The following NFRKB variants were observed in gnomAD, a reference collection of about 807,000 sequenced individuals.
NFRKB encodes nuclear factor related to kappaB binding protein.
Under a neutral mutation model 135.7 loss-of-function variants are expected in NFRKB, and 62 were observed. The ratio of observed to expected loss-of-function variants is 0.46; its 90% CI spans 0.37 to 0.56. The LOEUF (loss-of-function observed/expected upper bound fraction) is 0.56, where lower values mean the gene tolerates loss of function less well. Ranked by LOEUF, NFRKB falls within the 20% of genes least tolerant of loss-of-function variation. The pLI is 0.00. For synonymous variants in NFRKB, 678 were observed against 635.6 expected (o/e 1.07, Z -1.00); for missense variants, 1,545 against 1,662.0 (o/e 0.93, Z 1.22).
intron 23 of NFRKB, among the ~76,000 whole-genome samples, chr11:129,872,263 T>G (rs1284737122): frequency 6.6e-6 from 1 of 152,176 alleles, no homozygotes; most frequent in Non-Finnish European, 1.5e-5. Context: ...GTCTGTTTAA[T>G]GTACCATTAA....
chr11:129,868,709 G>A (rs1565388719), intron 24 of NFRKB, among the ~76,000 whole-genome samples: 1 of 152,104 alleles, frequency 6.6e-6, no homozygotes, highest in Non-Finnish European at 1.5e-5. Flanking sequence ...GTATGGCCTA[G>A]AACGACCATC....
chr11:129,869,416 T>C, intron 24 of NFRKB, 78 bp downstream of exon 24: 1 of 1,465,824 alleles, frequency 6.8e-7, no homozygotes, highest in Admixed American at 2.3e-5. Flanking sequence ...TTTTAGGGAG[T>C]TTCTCGGGTA....
intron 16 of NFRKB, 91 bp downstream of exon 16, chr11:129,877,234 G>A (rs1195410479): frequency 6.9e-6 from 9 of 1,303,098 alleles, no homozygotes; most frequent in Non-Finnish European, 7.8e-6. Context: ...TGAGTTTCTT[G>A]CAAGAAGGTA....
intron 3 of NFRKB, among the ~76,000 whole-genome samples, chr11:129,889,076 C>T (rs1949415016): frequency 6.6e-6 from 1 of 152,002 alleles, no homozygotes; most frequent in Non-Finnish European, 1.5e-5. Context: ...ATTCTCCTAC[C>T]TCAGCCTCCC....
intron 13 of NFRKB, 45 bp downstream of exon 13, chr11:129,881,398 T>C (rs761334839): frequency 2.5e-6 from 4 of 1,587,856 alleles, no homozygotes; most frequent in Non-Finnish European, 3.5e-6. Flanking sequence ...GGGGAAGAAA[T>C]GGGAGAACGA....
rs2229650 is a variant in NFRKB, at chr11:129,876,812, G to A, written c.1656C>T (p.Gly552=). 1.4e-3 allele frequency: 2,268 copies of A among 1,613,816 alleles called. 1 individual carries two copies. The highest frequency in any genetic ancestry group is 1.8e-3 in the Non-Finnish European group (2,079 of 1,179,990). The change falls in exon 17 of 27, where the codon GGC becomes GGT. Residue 552 remains glycine, a synonymous_variant. Coordinates refer to ENST00000682444, the MANE Select transcript of NFRKB (RefSeq NM_001143835.2). ...GFESVVGPVK[G]VFDKETSLNK... is the part of the protein sequence containing the mutation. ...TGAGCGAGGTCTCCTTGTCAAACAC[G>A]CCCTTCACTGGCCCCACCACAGACT... is the stretch of plus-strand genomic sequence containing the variant.
rs1178130579 is a variant in NFRKB at position 129,877,307 on chromosome 11, T to G, written c.1572+18A>C. 2 of 1,613,650 alleles carry G rather than the reference T, an allele frequency of 1.2e-6. No individual in the cohort carries two copies. Among genetic ancestry groups the G allele is most frequent in the Non-Finnish European group, 1.7e-6 (2 of 1,179,636 alleles). On this transcript the variant is annotated intron_variant, in intron 16 of 26. Coordinates refer to ENST00000682444, the MANE Select transcript of NFRKB (RefSeq NM_001143835.2). ...GGCTCACAGAGGCAGAGACTTACACTGGCTTTTAGGTTCTTACCTGCTCCT... is the reference window on the plus strand; with the variant it reads ...GGCTCACAGAGGCAGAGACTTACACGGGCTTTTAGGTTCTTACCTGCTCCT...
At chr11:129,878,987 T>C (rs1398196882) in intron 13 of NFRKB, among the ~76,000 whole-genome samples, 1 of 152,128 alleles carries the variant, frequency 6.6e-6, no homozygotes, top group African/African-American at 2.4e-5. Context: ...ACAGAGAAAA[T>C]TCTATTCACT....
At chr11:129,883,811 T>C (rs1394715329) in intron 8 of NFRKB, among the ~76,000 whole-genome samples, 1 of 152,230 alleles carries the variant, frequency 6.6e-6, no homozygotes, top group African/African-American at 2.4e-5. Flanking sequence ...TCTTGAGCAC[T>C]GCTGAGGTGG....
intron 2 of NFRKB, 34 bp from the exon 3 acceptor site, chr11:129,892,904 C>T (rs767160755): frequency 1.2e-6 from 2 of 1,613,434 alleles, no homozygotes; most frequent in East Asian, 4.5e-5. Context: ...GACAGAAAGG[C>T]AGAAATTCCA....
intron 5 of NFRKB, 31 bp downstream of exon 5, chr11:129,886,286 C>A (rs1465923951): frequency 6.3e-7 from 1 of 1,590,772 alleles, no homozygotes; most frequent in Non-Finnish European, 8.6e-7. Context: ...TGACTGCCCA[C>A]ATTTTATATC....
chr11:129,885,375 G>T, intron 6 of NFRKB, 60 bp downstream of exon 6: 1 of 1,535,790 alleles, frequency 6.5e-7, no homozygotes, highest in Non-Finnish European at 8.8e-7. Context: ...GGCTCCAACC[G>T]GACAAGTGGC....
Position 129,864,386 on chromosome 11 carries a change from C to T in NFRKB, c.*339G>A, listed in dbSNP as rs138565947. 5.3e-5 allele frequency: 13 copies of T among 243,690 alleles called. No homozygotes were observed. The highest frequency in any genetic ancestry group is 1.5e-3 in the Middle Eastern group (1 of 670). 15.1% of individuals were successfully genotyped at this position (243,690 alleles called of 1,614,324 possible). ...AATCCTCATGGAGAACCAGCCTATT[C>T]GCTGTGTGCACTCTGCAACTGGTAA... On this transcript the variant is annotated 3_prime_UTR_variant, in exon 27 of 27. Transcript: ENST00000682444.
chr11:129,873,195 C>A, intron 22 of NFRKB, 99 bp from the exon 23 acceptor site: 1 of 1,041,846 alleles, frequency 9.6e-7, no homozygotes. Context: ...GCATTGCTCT[C>A]AAAGAGCTTC....
Position 129,877,198 on chromosome 11 carries a change from C to T in NFRKB, c.1572+127G>A. On this transcript the variant is annotated intron_variant, in intron 16 of 26. Coordinates refer to ENST00000682444, the MANE Select transcript of NFRKB (RefSeq NM_001143835.2). ...TCCACCCCCAACAAGTAATCCCAGC[C>T]AACAGAAGGTCTAAGGGGAAAGGTA... is the stretch of plus-strand genomic sequence containing the variant. The T allele has an allele frequency of 5.2e-6, 5 of 959,554 alleles. No individual in the cohort carries two copies. In the South Asian group the frequency reaches 5.8e-5, roughly 11 times the overall value. 59.4% of individuals were successfully genotyped at this position (959,554 alleles called of 1,614,324 possible). A position where few individuals can be genotyped will look rare whatever the true frequency, so the allele number is the denominator to read the frequency against.
At chr11:129,876,133 T>C (rs189209242) in intron 17 of NFRKB, among the ~76,000 whole-genome samples, 129 of 152,308 alleles carry the variant, frequency 8.5e-4, no homozygotes, top group Admixed American at 9.2e-4. Flanking sequence ...AATCAGACAT[T>C]TTCATATATT....
In NFRKB at chr11:129,865,963, G is replaced by A; in HGVS notation, c.3552C>T (p.Ile1184=). 6.2e-7 allele frequency: 1 copy of A among 1,612,058 alleles called. No homozygotes were observed. The highest frequency in any genetic ancestry group is 8.5e-7 in the Non-Finnish European group (1 of 1,179,388). The change falls in exon 25 of 27, where the codon ATC becomes ATT. Residue 1184 remains isoleucine (I), a synonymous_variant. Coordinates refer to ENST00000682444, the MANE Select transcript of NFRKB (RefSeq NM_001143835.2). The stretch of plus-strand genomic sequence containing the variant: ...GGCTGATCACAGAGAGGGGAACTGT[G>A]ATCCGTGTAGGCAACTTCCCCTAGA... The part of the protein sequence containing the change: ...TSQAGKLPTR[I]TVPLSVISQP...
In NFRKB at chr11:129,870,047, T is replaced by C. The variant is rs765482463; in HGVS notation, c.2978A>G (p.Asp993Gly). The part of the protein sequence containing the change: ...SQVTTVKLTQ[D>G]LFGTGGNTTG... ...AGTGTTGCCTCCTGTCCCGAAGAGG[T>C]CCTGGGTCAATTTGACTGTGGTAAC... is the stretch of plus-strand genomic sequence containing the variant. The change falls in exon 24 of 27, where the codon GAC becomes GGC. Residue 993 changes from aspartate (D) to glycine (G), a missense_variant. Physicochemically the swap from Asp to Gly is moderately conservative, Grantham distance 94. Coordinates refer to ENST00000682444, the MANE Select transcript of NFRKB (RefSeq NM_001143835.2). 1.2e-6 allele frequency: 2 copies of C among 1,614,180 alleles called. No individual in the cohort carries two copies. The highest frequency in any genetic ancestry group is 1.7e-6 in the Non-Finnish European group (2 of 1,180,030).
chr11:129,874,336 A>T lies in NFRKB; in HGVS notation c.2059-3T>A. 6.6e-7 allele frequency: 1 copy of T among 1,519,228 alleles called. No individual in the cohort carries two copies. Among genetic ancestry groups the T allele is most frequent in the Non-Finnish European group, 8.8e-7 (1 of 1,136,520 alleles). 94.1% of individuals were successfully genotyped at this position (1,519,228 alleles called of 1,614,324 possible). A position where few individuals can be genotyped will look rare whatever the true frequency, so the allele number is the denominator to read the frequency against. Reference sequence around the variant, plus strand: ...GAGCTCTCCTTGCTACTGGACTTCTAGAACGGAAGACAAAGAAAACTCACC... The same window carrying T: ...GAGCTCTCCTTGCTACTGGACTTCTTGAACGGAAGACAAAGAAAACTCACC... On this transcript the variant is annotated splice_region_variant and splice_polypyrimidine_tract_variant and intron_variant, in intron 20 of 26. Transcript: ENST00000682444. The surrounding 1 kb of genome is among the most constrained non-coding windows in gnomAD (Gnocchi z 4.5).
Sources: gnomAD v4.1 joint callset for allele counts (sites outside exome capture counted in the v4.1 genomes callset) on GRCh38, gnomAD v4.1.1 for gene constraint, Gnocchi (gnomAD v3.1) non-coding constraint, MANE v1.5 for transcripts, NCBI Gene and HGNC (gene_info 2026-07-23, HGNC 2026-07-21) for gene names.